Variants in SPRR2G observed in about 807,000 individuals in gnomAD.
SPRR2G encodes the protein small proline-rich protein 2G.
SPRR2G carries 1 observed loss-of-function variant against 0.7 expected under a neutral mutation model. The observed-to-expected ratio is 1.49, with a 90% CI of 0.53 to 7.06. The LOEUF is 7.06. Ranked by LOEUF, SPRR2G falls within the 30% of genes most tolerant of loss-of-function variation. The pLI is 0.14. For synonymous variants in SPRR2G, 38 were observed against 33.9 expected, an observed-to-expected ratio of 1.12 and a Z score of -0.42; for missense variants, 96 against 88.5, an observed-to-expected ratio of 1.09 and a Z score of -0.34.
At chr1:153,198,261 G>C in the SPRR2G span, among the ~76,000 whole-genome samples, 1 of 152,204 alleles carries the variant, frequency 6.6e-6, no homozygotes, top group African/African-American at 2.4e-5. Context: ...GTAGAAGACC[G>C]AGCTGAAAGT....
chr1:153,151,461 T>C (rs77771714), upstream of SPRR2G, among the ~76,000 whole-genome samples: 1,386 of 152,288 alleles, frequency 9.1e-3, 54 homozygotes, highest in East Asian at 0.11. Flanking sequence ...TGTTCTGACA[T>C]GGTATTAATG....
upstream of SPRR2G, among the ~76,000 whole-genome samples, chr1:153,153,021 C>A (rs2101649048): frequency 6.6e-6 from 1 of 152,234 alleles, no homozygotes; most frequent in African/African-American, 2.4e-5. Flanking sequence ...TCATTTTTCA[C>A]AAATAATGGG....
At chr1:153,162,727 G>C in the SPRR2G span, among the ~76,000 whole-genome samples, 11 of 152,242 alleles carry the variant, frequency 7.2e-5, no homozygotes, top group East Asian at 1.9e-3. Context: ...GCTCATATCA[G>C]ATGTTATGTC....
At chr1:153,158,448 A>C in the SPRR2G span, among the ~76,000 whole-genome samples, 1 of 152,228 alleles carries the variant, frequency 6.6e-6, no homozygotes, top group Admixed American at 6.5e-5. Context: ...TGCTGATGCA[A>C]GGGGTAAGTT....
the SPRR2G span, among the ~76,000 whole-genome samples, chr1:153,160,236 G>A: frequency 2.0e-5 from 3 of 152,030 alleles, no homozygotes; most frequent in Non-Finnish European, 4.4e-5. Context: ...AAATGACAGG[G>A]TTTCCTTCTT....
At chr1:153,176,638 T>C in the SPRR2G span, 1 of 152,078 alleles carries the variant, frequency 6.6e-6, no homozygotes, top group Non-Finnish European at 1.5e-5. Context: ...ACACACCATG[T>C]CGGTATGGGT....
chr1:153,196,676 C>T, the SPRR2G span, among the ~76,000 whole-genome samples: 1 of 152,180 alleles, frequency 6.6e-6, no homozygotes, highest in South Asian at 2.1e-4. Context: ...TGAAAATGTC[C>T]CCCAAATTTC....
the SPRR2G span, among the ~76,000 whole-genome samples, chr1:153,168,843 T>G: frequency 6.6e-6 from 1 of 152,028 alleles, no homozygotes; most frequent in Admixed American, 6.6e-5. Flanking sequence ...GCATAGGCTA[T>G]GAGAGCACCC....
rs892185618 is a variant in SPRR2G, at chr1:153,149,964, T to C, written c.147A>G (p.Pro49=). 1.2e-6 allele frequency: 2 copies of C among 1,613,946 alleles called. No homozygotes were observed. Among genetic ancestry groups the C allele is most frequent in the Non-Finnish European group, 1.7e-6 (2 of 1,179,976 alleles). The part of the protein sequence containing the change: ...PPCPPEHCPP[P]PCQDKCPPVQ... ...CAGGAGGGCATTTATCCTGGCATGG[T>C]GGAGGTGGGCAATGCTCAGGTGGAC... The change falls in exon 2 of 2, where the codon CCA becomes CCG. Residue 49 remains proline (P), a synonymous_variant. Transcript: ENST00000368748.
chr1:153,196,567 G>T, the SPRR2G span, among the ~76,000 whole-genome samples: 2 of 152,156 alleles, frequency 1.3e-5, no homozygotes, highest in African/African-American at 4.8e-5. Flanking sequence ...GGCAAAAGAA[G>T]ATCATTAGGG....
the SPRR2G span, among the ~76,000 whole-genome samples, chr1:153,160,470 A>G: frequency 3.3e-5 from 5 of 152,246 alleles, no homozygotes; most frequent in Non-Finnish European, 7.3e-5. Flanking sequence ...AGGAAACTGC[A>G]TACTGTTTTC....
the SPRR2G span, among the ~76,000 whole-genome samples, chr1:153,185,736 T>C: frequency 6.6e-6 from 1 of 152,238 alleles, no homozygotes; most frequent in Non-Finnish European, 1.5e-5. Flanking sequence ...AGATCTTAGT[T>C]ACTTCTTGTC....
At chr1:153,199,328 C>G in the SPRR2G span, among the ~76,000 whole-genome samples, 2 of 152,186 alleles carry the variant, frequency 1.3e-5, no homozygotes, top group South Asian at 4.1e-4. Context: ...CTAGGCGCTA[C>G]AGGAGCCATG....
At chr1:153,182,994 CCCA>C in the SPRR2G span, among the ~76,000 whole-genome samples, 1 of 151,970 alleles carries the variant, frequency 6.6e-6, no homozygotes, top group African/African-American at 2.4e-5. Flanking sequence ...AATTTACACT[CCCA>C]CCAACAGTGT....
chr1:153,199,717 AT>A, the SPRR2G span, among the ~76,000 whole-genome samples: 13,226 of 152,128 alleles, frequency 0.087, 608 homozygotes, highest in Middle Eastern at 0.25. Flanking sequence ...CTGAAATAAG[AT>A]TTTTTTTATG....
the SPRR2G span, among the ~76,000 whole-genome samples, chr1:153,191,981 A>G: frequency 6.6e-6 from 1 of 152,328 alleles, no homozygotes; most frequent in South Asian, 2.1e-4. Context: ...ATTGACAACA[A>G]CAGCTAGAAA....
chr1:153,171,206 T>C, the SPRR2G span, among the ~76,000 whole-genome samples: 23 of 152,328 alleles, frequency 1.5e-4, no homozygotes, highest in Admixed American at 1.1e-3. Context: ...TTTCTCTGAA[T>C]ATGAGCAGGT....
chr1:153,192,849 C>G, the SPRR2G span, among the ~76,000 whole-genome samples: 1 of 152,122 alleles, frequency 6.6e-6, no homozygotes, highest in Non-Finnish European at 1.5e-5. Context: ...AGGTAAGAAC[C>G]CCCATCCATC....
chr1:153,157,745 A>G, the SPRR2G span, among the ~76,000 whole-genome samples: 1 of 152,088 alleles, frequency 6.6e-6, no homozygotes, highest in African/African-American at 2.4e-5. Context: ...GCACAGTACC[A>G]TTAGTCCGTT....
Sources: gnomAD v4.1 joint callset for allele counts (sites outside exome capture counted in the v4.1 genomes callset) on GRCh38, gnomAD v4.1.1 for gene constraint, MANE v1.5 for transcripts, NCBI Gene and HGNC (gene_info 2026-07-23, HGNC 2026-07-21) for gene names.